Variants in EBF1 observed in about 807,000 individuals in gnomAD.
EBF1 encodes the protein transcription factor COE1.
A neutral mutation model predicts 68.4 loss-of-function variants in EBF1; 10 were observed. The observed-to-expected ratio is 0.15, with a 90% CI of 0.09 to 0.25. The LOEUF is 0.25. Ranked by LOEUF, EBF1 falls within the 10% of genes least tolerant of loss-of-function variation. The pLI, the probability that EBF1 is intolerant of heterozygous loss-of-function variation, is 1.00. For missense variants in EBF1, 509 were observed against 794.4 expected, an observed-to-expected ratio of 0.64 and a Z score of 4.32; for synonymous variants, 298 against 299.8, an observed-to-expected ratio of 0.99 and a Z score of 0.06.
chr5:158,796,291 C>T (rs1779605218), intron 9 of EBF1, 54 bp downstream of exon 9: 3 of 1,546,052 alleles, frequency 1.9e-6, no homozygotes, highest in Non-Finnish European at 2.6e-6. Flanking sequence ...CAAGTATAGA[C>T]AGTATCTTCA....
chr5:158,963,242 G>T (rs79590650), intron 6 of EBF1, among the ~76,000 whole-genome samples: 2 of 152,054 alleles, frequency 1.3e-5, no homozygotes, highest in Admixed American at 6.5e-5. Context: ...CTAAAGAAAG[G>T]TTCTCTACAC....
chr5:158,915,842 T>C (rs1307124840), intron 6 of EBF1, among the ~76,000 whole-genome samples: 1 of 152,212 alleles, frequency 6.6e-6, no homozygotes, highest in Non-Finnish European at 1.5e-5. Context: ...CAAAACTCAA[T>C]GCAACAATGC....
At chr5:158,896,322 G>T (rs1230670583) in intron 6 of EBF1, among the ~76,000 whole-genome samples, 1 of 152,058 alleles carries the variant, frequency 6.6e-6, no homozygotes, top group Non-Finnish European at 1.5e-5. Context: ...CTATTAAATT[G>T]TAATCTCCAG....
At chr5:158,904,937 T>G (rs767540213) in intron 6 of EBF1, among the ~76,000 whole-genome samples, 3 of 152,202 alleles carry the variant, frequency 2.0e-5, no homozygotes, top group Non-Finnish European at 4.4e-5. Flanking sequence ...ACAAGAAGTG[T>G]GTTGTAACAT....
intron 4 of EBF1, among the ~76,000 whole-genome samples, chr5:159,092,010 GA>G (rs796419759): frequency 1.3e-5 from 2 of 152,266 alleles, no homozygotes; most frequent in African/African-American, 4.8e-5. Context: ...AAGATGGTAA[GA>G]GGGGAGATAA....
Position 158,913,089 on chromosome 5 carries a change from T to C in EBF1, c.555-72979A>G, listed in dbSNP as rs530723813. On this transcript the variant is annotated intron_variant, in intron 6 of 15. Transcript: ENST00000313708. ...ATGAGGATATAATATACAAAATATCTGTACAATACAGCTTCTTAAGCAATT... is the reference window on the plus strand; with the variant it reads ...ATGAGGATATAATATACAAAATATCCGTACAATACAGCTTCTTAAGCAATT... Among the ~76,000 whole-genome samples, 10 of 152,356 alleles carry C rather than the reference T, an allele frequency of 6.6e-5. No homozygotes were observed. In the East Asian group the frequency reaches 1.9e-3, roughly 29 times the overall value.
intron 6 of EBF1, among the ~76,000 whole-genome samples, chr5:158,942,917 G>A (rs1356076147): frequency 1.6e-5 from 1 of 63,932 alleles, no homozygotes; most frequent in Non-Finnish European, 4.0e-5. Flanking sequence ...AGAGGGAGGG[G>A]GAAGGAGGGG....
intron 9 of EBF1, among the ~76,000 whole-genome samples, 197 bp from the exon 10 acceptor site, chr5:158,777,736 A>T (rs973532103): frequency 6.6e-6 from 1 of 152,226 alleles, no homozygotes; most frequent in Non-Finnish European, 1.5e-5. Context: ...TAACAATATT[A>T]TCTGGGTTTT....
intron 6 of EBF1, among the ~76,000 whole-genome samples, chr5:158,879,452 C>T (rs1421273502): frequency 6.6e-6 from 1 of 152,088 alleles, no homozygotes; most frequent in African/African-American, 2.4e-5. Flanking sequence ...AAAAGAAAGG[C>T]ACAGAGCAAA....
At chr5:158,720,396 T>G (rs1279886698) in intron 11 of EBF1, among the ~76,000 whole-genome samples, 1 of 152,140 alleles carries the variant, frequency 6.6e-6, no homozygotes, top group African/African-American at 2.4e-5. Context: ...ATGTATTTCT[T>G]TGGAGGGTAG....
At chr5:158,845,068 T>A (rs959414936) in intron 6 of EBF1, among the ~76,000 whole-genome samples, 5 of 152,152 alleles carry the variant, frequency 3.3e-5, no homozygotes, top group Non-Finnish European at 7.3e-5. Flanking sequence ...ATAAAATTTT[T>A]AAAAAATCAT....
At position 159,092,039 on chromosome 5, in the gene EBF1, C is replaced by A. The variant is rs140409964; in HGVS notation, c.411+3581G>T. On this transcript the variant is annotated intron_variant, in intron 4 of 15. Coordinates refer to ENST00000313708, the MANE Select transcript of EBF1 (RefSeq NM_024007.5). ...GGAGATAAGCTAAACTTAAAAAAAA[C>A]TATTTAAAGATATATAACTCACTAT... is the stretch of plus-strand genomic sequence containing the variant. Among the ~76,000 whole-genome samples, 1,279 of 152,170 alleles carry A rather than the reference C, an allele frequency of 8.4e-3. 22 individuals are homozygous for A. Among genetic ancestry groups the A allele is most frequent in the African/African-American group, 0.03 (1,239 of 41,502 alleles).
chr5:158,885,518 A>G (rs1482873655), intron 6 of EBF1, among the ~76,000 whole-genome samples: 2 of 152,220 alleles, frequency 1.3e-5, no homozygotes, highest in Admixed American at 6.5e-5. Flanking sequence ...GGATCAGTTA[A>G]TCATGCACAC....
intron 6 of EBF1, among the ~76,000 whole-genome samples, chr5:158,961,098 C>A (rs984266678): frequency 6.6e-6 from 1 of 152,162 alleles, no homozygotes; most frequent in African/African-American, 2.4e-5. Context: ...CAGTATTCAA[C>A]CTCAGCAATA....
intron 10 of EBF1, among the ~76,000 whole-genome samples, chr5:158,768,159 A>T (rs745462209): frequency 1.5e-4 from 23 of 152,114 alleles, no homozygotes; most frequent in Non-Finnish European, 3.2e-4. Context: ...TCCTGACCCC[A>T]AATAATCCAG....
intron 6 of EBF1, among the ~76,000 whole-genome samples, chr5:158,840,646 T>TTTTG (rs1790061838): frequency 1.5e-4 from 2 of 13,558 alleles, no homozygotes; most frequent in Admixed American, 2.3e-3. Context: ...ATACCTCCTG[T>TTTTG]TTTTTTTTTT....
intron 6 of EBF1, among the ~76,000 whole-genome samples, chr5:159,004,747 C>T (rs553507088): frequency 5.3e-5 from 8 of 152,246 alleles, no homozygotes; most frequent in African/African-American, 1.9e-4. Flanking sequence ...TCAATAGCTT[C>T]AGGTGATAAG....
chr5:158,923,371 C>T (rs915557574), intron 6 of EBF1, among the ~76,000 whole-genome samples: 1 of 152,202 alleles, frequency 6.6e-6, no homozygotes, highest in African/African-American at 2.4e-5. Flanking sequence ...CTGGCATTCT[C>T]ATCCCATATT....
intron 6 of EBF1, among the ~76,000 whole-genome samples, chr5:158,912,611 C>A (rs898652980): frequency 6.6e-6 from 1 of 152,088 alleles, no homozygotes; most frequent in African/African-American, 2.4e-5. Flanking sequence ...GCGATTCTGA[C>A]GAACAGGAGA....
Sources: allele counts gnomAD v4.1 joint callset (sites outside exome capture counted in the v4.1 genomes callset), GRCh38; gene constraint gnomAD v4.1.1; transcripts MANE v1.5; gene names NCBI Gene and HGNC (gene_info 2026-07-23, HGNC 2026-07-21).